The following CFAP20DC variants were observed in gnomAD, a reference collection of about 807,000 sequenced individuals.
CFAP20DC encodes the protein CFAP20 domain containing.
A neutral mutation model predicts 101.7 loss-of-function variants in CFAP20DC; 84 were observed. The ratio of observed to expected loss-of-function variants is 0.83; its 90% CI spans 0.69 to 0.99. The LOEUF is 0.99. CFAP20DC is among the 50% of genes least tolerant of loss of function. The pLI, the probability that CFAP20DC is intolerant of heterozygous loss-of-function variation, is 0.00. For missense variants in CFAP20DC, 1,007 were observed against 970.3 expected, an observed-to-expected ratio of 1.04 and a Z score of -0.50; for synonymous variants, 359 against 351.2, an observed-to-expected ratio of 1.02 and a Z score of -0.25.
chr3:58,922,508 T>C (rs2085496474), intron 5 of CFAP20DC, among the ~76,000 whole-genome samples: 1 of 152,206 alleles, frequency 6.6e-6, no homozygotes, highest in African/African-American at 2.4e-5. Flanking sequence ...GAATGAGTTC[T>C]CACTCTTAGT....
intron 14 of CFAP20DC, among the ~76,000 whole-genome samples, chr3:58,811,848 C>A (rs2074664850): frequency 6.9e-6 from 1 of 145,760 alleles, no homozygotes; most frequent in African/African-American, 2.5e-5. Context: ...TGAGCCCAAA[C>A]AAATTTACAA....
At chr3:58,783,647 A>G (rs928241442) in intron 15 of CFAP20DC, among the ~76,000 whole-genome samples, 5 of 152,104 alleles carry the variant, frequency 3.3e-5, no homozygotes, top group African/African-American at 1.2e-4. Flanking sequence ...ACGAATACAT[A>G]TTTTTCAAAA....
In CFAP20DC at chr3:58,742,485, G is replaced by T. The variant is rs139401572; in HGVS notation, c.2420C>A (p.Thr807Lys). ...TTATACCAACTCATAGTATTTCCCT[G>T]TTTGGGGGTCAAAGTAACAGTTCAG... The part of the protein sequence containing the change: ...PCLNCYFDPQ[T>K]GKYYELV Residue 807 changes from threonine (T) to lysine (K), a missense_variant, in exon 17 of 17, where the codon ACA (threonine) becomes AAA (lysine). Coordinates refer to ENST00000482387, the MANE Select transcript of CFAP20DC (RefSeq NM_001394063.1). The T allele has an allele frequency of 6.2e-7, 1 of 1,606,900 alleles. No individual in the cohort carries two copies. The highest frequency in any genetic ancestry group is 8.5e-7 in the Non-Finnish European group (1 of 1,176,502).
chr3:58,735,633 C>T (rs1247369801), intron 3 of CFAP20DC, among the ~76,000 whole-genome samples: 1 of 152,124 alleles, frequency 6.6e-6, no homozygotes, highest in Non-Finnish European at 1.5e-5. Context: ...TATCATGATG[C>T]CCAGGCCACA....
At chr3:58,932,609 G>A (rs1173216795) in intron 5 of CFAP20DC, among the ~76,000 whole-genome samples, 2 of 152,022 alleles carry the variant, frequency 1.3e-5, no homozygotes, top group Non-Finnish European at 2.9e-5. Flanking sequence ...AGAGAGTGGG[G>A]GCCAATATTC....
At chr3:58,736,677 T>C (rs2067764248) in intron 3 of CFAP20DC, among the ~76,000 whole-genome samples, 2 of 152,218 alleles carry the variant, frequency 1.3e-5, no homozygotes, top group South Asian at 4.1e-4. Context: ...TGTTAAAATA[T>C]TGACCGTACT....
chr3:58,934,582 G>A (rs1482198931), intron 5 of CFAP20DC, among the ~76,000 whole-genome samples: 3 of 152,198 alleles, frequency 2.0e-5, no homozygotes. Context: ...CCATGATCAA[G>A]TGGGCTTCTT....
chr3:58,919,951 G>C (rs1321214779), intron 5 of CFAP20DC, among the ~76,000 whole-genome samples: 11 of 151,560 alleles, frequency 7.3e-5, no homozygotes, highest in Non-Finnish European at 4.4e-5. Flanking sequence ...TGTTTGCAAA[G>C]AAAGTTTTAC....
At chr3:59,022,309 G>T (rs771643973) in intron 4 of CFAP20DC, among the ~76,000 whole-genome samples, 3 of 152,020 alleles carry the variant, frequency 2.0e-5, no homozygotes, top group Non-Finnish European at 2.9e-5. Flanking sequence ...ACTGCATCCT[G>T]AGAGATGTCA....
At chr3:59,013,847 T>C (rs189506612) in intron 4 of CFAP20DC, among the ~76,000 whole-genome samples, 1 of 152,286 alleles carries the variant, frequency 6.6e-6, no homozygotes, top group East Asian at 1.9e-4. Flanking sequence ...ACTGTTTGAA[T>C]ATAAAAAACA....
chr3:58,815,946 G>C (rs1228348418), intron 14 of CFAP20DC, among the ~76,000 whole-genome samples: 5 of 151,642 alleles, frequency 3.3e-5, no homozygotes, highest in South Asian at 4.1e-4. Flanking sequence ...GTGGAAGTCA[G>C]TGTGGCGACT....
In CFAP20DC at chr3:58,849,041, G is replaced by C. The variant is rs534246259; in HGVS notation, c.1962C>G (p.Pro654=). Residue 654 remains proline, a synonymous_variant, in exon 13 of 17, where the codon CCC becomes CCG. Coordinates refer to ENST00000482387, the MANE Select transcript of CFAP20DC (RefSeq NM_001394063.1). ...EISGERLSSI[P]EASEYDWRNY... is the part of the protein sequence containing the mutation. ...CACGGGAACCACTTACAGATGCTTCGGGGATCGAGCTCAGCCTTTCCCCTG... is the reference window on the plus strand; with the variant it reads ...CACGGGAACCACTTACAGATGCTTCCGGGATCGAGCTCAGCCTTTCCCCTG... 28 of 1,535,296 alleles carry C rather than the reference G, an allele frequency of 1.8e-5. No homozygotes were observed. Among genetic ancestry groups the C allele is most frequent in the Non-Finnish European group, 2.4e-5 (27 of 1,146,712 alleles).
At chr3:58,907,239 T>C (rs1163905244) in intron 6 of CFAP20DC, among the ~76,000 whole-genome samples, 1 of 152,136 alleles carries the variant, frequency 6.6e-6, no homozygotes, top group Non-Finnish European at 1.5e-5. Context: ...CGGCAACCTA[T>C]GGTAGTCAAA....
intron 4 of CFAP20DC, among the ~76,000 whole-genome samples, chr3:59,011,081 C>T (rs114182393): frequency 6.4e-4 from 97 of 152,218 alleles, no homozygotes; most frequent in African/African-American, 2.1e-3. Flanking sequence ...GAAAAGTTCG[C>T]AGCATTAAAT....
chr3:58,846,269 T>G (rs1307056806), intron 13 of CFAP20DC, among the ~76,000 whole-genome samples: 1 of 151,898 alleles, frequency 6.6e-6, no homozygotes, highest in Non-Finnish European at 1.5e-5. Flanking sequence ...AAAATCCCAT[T>G]GTCTCAGCCC....
chr3:59,022,122 C>A (rs189919048), intron 4 of CFAP20DC, among the ~76,000 whole-genome samples: 26 of 152,036 alleles, frequency 1.7e-4, no homozygotes, highest in African/African-American at 6.3e-4. Context: ...ATTTGAGAGT[C>A]CAAAGTATTT....
At chr3:58,841,257 A>C (rs2077082570) in intron 13 of CFAP20DC, among the ~76,000 whole-genome samples, 1 of 152,204 alleles carries the variant, frequency 6.6e-6, no homozygotes, top group Non-Finnish European at 1.5e-5. Flanking sequence ...TCAGAAAGAC[A>C]TTTATGGATT....
chr3:58,920,054 G>A (rs1041426483), intron 5 of CFAP20DC, among the ~76,000 whole-genome samples: 1 of 145,752 alleles, frequency 6.9e-6, no homozygotes, highest in African/African-American at 2.5e-5. Flanking sequence ...CTGAATACAA[G>A]TGGTTAGGGT....
In CFAP20DC at chr3:58,864,002, G is replaced by C. The variant is rs895007301; in HGVS notation, c.1259-110C>G. 1 of 1,079,122 alleles carries C rather than the reference G, an allele frequency of 9.3e-7. No individual in the cohort carries two copies. Among genetic ancestry groups the C allele is most frequent in the Admixed American group, 2.9e-5 (1 of 34,736 alleles). The allele number at this position is 1,079,122 out of a possible 1,614,324, so 66.8% of individuals were successfully genotyped here. On this transcript the variant is annotated intron_variant, in intron 11 of 16. Coordinates refer to ENST00000482387, the MANE Select transcript of CFAP20DC (RefSeq NM_001394063.1). The surrounding 1 kb of genome is among the most constrained non-coding windows in gnomAD (Gnocchi z 4.7). ...TGAGACAGTCTCACTCTGCCGCCTAGGCTGCAGTGCAGTCACGCGATCTCG... is the reference window on the plus strand; with the variant it reads ...TGAGACAGTCTCACTCTGCCGCCTACGCTGCAGTGCAGTCACGCGATCTCG...
Sources: allele counts gnomAD v4.1 joint callset (sites outside exome capture counted in the v4.1 genomes callset), GRCh38; gene constraint gnomAD v4.1.1; non-coding constraint Gnocchi (gnomAD v3.1); transcripts MANE v1.5; gene names NCBI Gene and HGNC (gene_info 2026-07-23, HGNC 2026-07-21).